Variants in PRSS55 observed in about 807,000 individuals in gnomAD.
The protein encoded by PRSS55 is probable serine protease UNQ9391/PRO34284.
In PRSS55, 41 loss-of-function variants were observed where a neutral mutation model predicts 23.6. That is an observed-to-expected ratio of 1.74 (90% CI 1.35 to 2.26). PRSS55 has a LOEUF of 2.26. PRSS55 is among the 30% of genes most tolerant of loss of function. PRSS55 has a pLI of 0.00. For missense variants in PRSS55, 669 were observed against 439.1 expected, an observed-to-expected ratio of 1.52 and a Z score of -4.68; for synonymous variants, 262 against 175.5, an observed-to-expected ratio of 1.49 and a Z score of -3.90.
At chr8:10,550,443 T>C (rs7011469) in intron 4 of PRSS55, among the ~76,000 whole-genome samples, 152,143 of 152,306 alleles carry the variant, frequency 1, 75,990 homozygotes, top group Non-Finnish European at 1. Flanking sequence ...TGTAGCATCA[T>C]CTGGTGGCAG....
At chr8:10,531,711 A>G in intron 3 of PRSS55, 166 bp downstream of exon 3, 1 of 886,204 alleles carries the variant, frequency 1.1e-6, no homozygotes, top group Non-Finnish European at 1.7e-6. Context: ...CGAAACCCCA[A>G]GGTGAGACAC....
In PRSS55 at chr8:10,531,546, G is replaced by C. The variant is rs200209064; in HGVS notation, c.598+1G>C. 1.1e-4 allele frequency: 174 copies of C among 1,612,964 alleles called. 1 individual carries two copies. Among genetic ancestry groups the C allele is most frequent in the Non-Finnish European group, 1.4e-4 (163 of 1,179,896 alleles). ...GCAGGTTGGGGCCAGACCAATGCTG[G>C]TATGTGACTGCTCAGCTTCCCCTGG... On this transcript the variant is annotated splice_donor_variant, in intron 3 of 4. Coordinates refer to ENST00000328655, the MANE Select transcript of PRSS55 (RefSeq NM_198464.4). LOFTEE classifies it high-confidence loss of function.
chr8:10,538,157 TC>T (rs1279116727), intron 4 of PRSS55, among the ~76,000 whole-genome samples: 3 of 152,078 alleles, frequency 2.0e-5, no homozygotes, highest in Non-Finnish European at 4.4e-5. Context: ...GATAAGACCC[TC>T]AAAACAAGTC....
chr8:10,532,917 T>C lies in PRSS55; in HGVS notation c.610T>C (p.Ser204Pro), dbSNP rs775558845. The change falls in exon 4 of 5, where the codon TCT becomes CCT. Residue 204 changes from serine to proline, a missense_variant. Ser to Pro is a moderately conservative substitution (Grantham distance 74). Transcript: ENST00000328655. ...TCTCTCTGGGCCAGCTGACAAAAAC[T>C]CTGTGAAAACGGATCTGATGAAAGC... ...WGQTNAADKN[S>P]VKTDLMKAPM... The C allele has an allele frequency of 1.9e-6, 3 of 1,614,154 alleles. No homozygotes were observed. The highest frequency in any genetic ancestry group is 2.5e-6 in the Non-Finnish European group (3 of 1,180,022).
chr8:10,537,236 C>T (rs142813077), intron 4 of PRSS55, among the ~76,000 whole-genome samples: 9 of 152,194 alleles, frequency 5.9e-5, no homozygotes, highest in African/African-American at 1.7e-4. Flanking sequence ...TAAGTTTCCA[C>T]GAATGGATGA....
chr8:10,527,120 A>T (rs1353429080), intron 1 of PRSS55, among the ~76,000 whole-genome samples: 2 of 152,230 alleles, frequency 1.3e-5, no homozygotes, highest in Non-Finnish European at 2.9e-5. Flanking sequence ...ACAAGTTTTA[A>T]ATATGATTTT....
intron 4 of PRSS55, chr8:10,553,853 T>C (rs1585901240): frequency 2.4e-6 from 2 of 824,542 alleles, no homozygotes; most frequent in African/African-American, 3.5e-5. Context: ...GGAGTAACCA[T>C]TTCACAATGT....
chr8:10,551,158 G>A (rs544994521), intron 4 of PRSS55, among the ~76,000 whole-genome samples: 1 of 152,184 alleles, frequency 6.6e-6, no homozygotes, highest in East Asian at 1.9e-4. Flanking sequence ...AGCTGTCTGT[G>A]CTCAACAAGC....
Position 10,529,498 on chromosome 8 carries a change from T to C in PRSS55, c.155-9T>C, listed in dbSNP as rs1436635723. On this transcript the variant is annotated splice_polypyrimidine_tract_variant and intron_variant, in intron 1 of 4. Transcript: ENST00000328655. ...CCCTTTTCCTTTCCACTCTCTTTCT[T>C]TCCACCAGAATGTGGTGACAGATCT... 6.2e-7 allele frequency: 1 copy of C among 1,613,882 alleles called. No homozygotes were observed. The highest frequency in any genetic ancestry group is 2.2e-5 in the East Asian group (1 of 44,878).
intron 1 of PRSS55, among the ~76,000 whole-genome samples, chr8:10,528,998 C>T (rs1036586029): frequency 5.9e-5 from 9 of 152,212 alleles, no homozygotes; most frequent in Admixed American, 1.3e-4. Context: ...AGTGATTCCA[C>T]TGGCCCCTCA....
At chr8:10,546,959 G>T (rs887793204) in intron 4 of PRSS55, among the ~76,000 whole-genome samples, 1 of 152,096 alleles carries the variant, frequency 6.6e-6, no homozygotes, top group Non-Finnish European at 1.5e-5. Flanking sequence ...TGGGATTACA[G>T]GTGTGAGCCA....
chr8:10,525,648 GAC>G lies in PRSS55; in HGVS notation c.64_65del (p.Thr22SerfsTer14). On this transcript the variant is annotated frameshift_variant, in exon 1 of 5. Transcript: ENST00000328655. LOFTEE classifies it high-confidence loss of function. ...TCACGGGAACTCAGCTCGGTCCACGGACTCCTCTCCCAGAGGCTGGAGTGGCT... is the reference window on the plus strand; with the variant it reads ...TCACGGGAACTCAGCTCGGTCCACGGTCCTCTCCCAGAGGCTGGAGTGGCT... ...LVTGTQLGPR[T>X]PLPEAGVAIL... 4 of 1,614,158 alleles carry G rather than the reference GAC, an allele frequency of 2.5e-6. No homozygotes were observed. The highest frequency in any genetic ancestry group is 2.5e-6 in the Non-Finnish European group (3 of 1,180,022).
At chr8:10,531,010 C>A (rs1485806032) in intron 2 of PRSS55, among the ~76,000 whole-genome samples, 1 of 152,206 alleles carries the variant, frequency 6.6e-6, no homozygotes, top group Non-Finnish European at 1.5e-5. Context: ...CTAAACCCAG[C>A]TCGGCCTTTG....
chr8:10,552,875 T>C (rs1234723501), intron 4 of PRSS55, among the ~76,000 whole-genome samples: 1 of 152,300 alleles, frequency 6.6e-6, no homozygotes, highest in South Asian at 2.1e-4. Context: ...TCTCAAAAAC[T>C]AAAAATAGAA....
At chr8:10,546,257 G>A (rs1192458077) in intron 4 of PRSS55, among the ~76,000 whole-genome samples, 1 of 152,126 alleles carries the variant, frequency 6.6e-6, no homozygotes, top group African/African-American at 2.4e-5. Flanking sequence ...AGGCTGTAAC[G>A]ATGCAGAAAA....
chr8:10,533,027 T>C lies in PRSS55; in HGVS notation c.720T>C (p.Asn240=), dbSNP rs182279550. 8.2e-5 allele frequency: 133 copies of C among 1,614,200 alleles called. No individual in the cohort carries two copies. The Middle Eastern group carries it at 1.2e-3, about 14-fold the overall frequency. The change falls in exon 4 of 5, where the codon AAT becomes AAC. Residue 240 remains asparagine, a synonymous_variant. Transcript: ENST00000328655. ...ATATGCTGTGTGCCGGATACAAGAA[T>C]GAGAGCTATGATGCCTGCAAGGTAA... The part of the protein sequence containing the change: ...TKNMLCAGYK[N]ESYDACKGDS...
chr8:10,531,415 C>T lies in PRSS55; in HGVS notation c.468C>T (p.Asp156=), dbSNP rs747619646. 6.2e-7 allele frequency: 1 copy of T among 1,614,262 alleles called. No individual in the cohort carries two copies. Among genetic ancestry groups the T allele is most frequent in the South Asian group, 1.1e-5 (1 of 91,092 alleles). Residue 156 remains aspartate, a synonymous_variant, in exon 3 of 5, where the codon GAC becomes GAT. Transcript: ENST00000328655. The part of the protein sequence containing the change: ...KDFKRANMDN[D]IALLLLASPI... ...TTAAGAGAGCCAACATGGACAATGA[C>T]ATTGCCTTGCTGCTGCTGGCTTCGC...
At chr8:10,553,595 A>G (rs575061211) in intron 4 of PRSS55, among the ~76,000 whole-genome samples, 4 of 152,240 alleles carry the variant, frequency 2.6e-5, no homozygotes, top group Admixed American at 2.0e-4. Context: ...AATCTAAAAA[A>G]TGTGAACTCA....
intron 4 of PRSS55, among the ~76,000 whole-genome samples, chr8:10,533,383 T>C (rs1474801950): frequency 1.3e-5 from 2 of 152,210 alleles, no homozygotes; most frequent in Non-Finnish European, 2.9e-5. Context: ...GTCATTTTAG[T>C]TCATTAACTT....
Sources: gnomAD v4.1 joint callset for allele counts (sites outside exome capture counted in the v4.1 genomes callset) on GRCh38, gnomAD v4.1.1 for gene constraint, MANE v1.5 for transcripts, NCBI Gene and HGNC (gene_info 2026-07-23, HGNC 2026-07-21) for gene names.